GABRG3: variants seen among roughly 807,000 people sequenced by gnomAD.
GABRG3 encodes gamma-aminobutyric acid receptor subunit gamma-3.
A neutral mutation model predicts 48.8 loss-of-function variants in GABRG3; 25 were observed. The observed-to-expected ratio is 0.51, with a 90% CI of 0.37 to 0.72. GABRG3 has a LOEUF of 0.72. GABRG3 is among the 30% of genes least tolerant of loss of function. GABRG3 has a pLI of 0.00. For missense variants in GABRG3, 394 were observed against 577.9 expected (o/e 0.68, Z 3.26); for synonymous variants, 227 against 217.6 (o/e 1.04, Z -0.38).
chr15:27,181,059 A>T (rs1887914523), intron 3 of GABRG3, among the ~76,000 whole-genome samples: 1 of 152,222 alleles, frequency 6.6e-6, no homozygotes, highest in Admixed American at 6.5e-5. Context: ...GCTGACCTTG[A>T]ATAAATAAAT....
At chr15:27,400,054 T>A (rs1387491445) in intron 5 of GABRG3, among the ~76,000 whole-genome samples, 1 of 152,248 alleles carries the variant, frequency 6.6e-6, no homozygotes, top group Non-Finnish European at 1.5e-5. Context: ...CACATAAATT[T>A]TAAATCTTTT....
At chr15:27,274,678 A>G (rs1054631850) in intron 3 of GABRG3, among the ~76,000 whole-genome samples, 2 of 152,104 alleles carry the variant, frequency 1.3e-5, no homozygotes, top group Non-Finnish European at 2.9e-5. Context: ...GCAACCCTCA[A>G]GACTCACCCA....
intron 3 of GABRG3, among the ~76,000 whole-genome samples, chr15:27,250,489 C>T (rs751920208): frequency 2.0e-5 from 3 of 152,114 alleles, no homozygotes; most frequent in Non-Finnish European, 2.9e-5. Flanking sequence ...TGGAGTGGTG[C>T]GATCTTGGCT....
At chr15:27,209,897 G>T (rs1235002653) in intron 3 of GABRG3, among the ~76,000 whole-genome samples, 2 of 152,144 alleles carry the variant, frequency 1.3e-5, no homozygotes, top group Non-Finnish European at 2.9e-5. Context: ...TCCTCACACG[G>T]TCTTTCCTCT....
At chr15:27,272,670 G>A (rs947688428) in intron 3 of GABRG3, among the ~76,000 whole-genome samples, 12 of 152,106 alleles carry the variant, frequency 7.9e-5, no homozygotes, top group Non-Finnish European at 8.8e-5. Flanking sequence ...ACCTCTGAAG[G>A]GAGCAGAACA....
At chr15:27,250,494 T>C (rs2140459518) in intron 3 of GABRG3, among the ~76,000 whole-genome samples, 1 of 152,320 alleles carries the variant, frequency 6.6e-6, no homozygotes, top group South Asian at 2.1e-4. Flanking sequence ...TGGTGCGATC[T>C]TGGCTCACTG....
At chr15:26,999,887 C>A (rs989978700) in intron 2 of GABRG3, among the ~76,000 whole-genome samples, 8 of 152,088 alleles carry the variant, frequency 5.3e-5, no homozygotes, top group South Asian at 2.1e-4. Context: ...GATGTCTAAC[C>A]TACAGTTAAT....
chr15:27,003,750 A>G (rs1045927446), intron 2 of GABRG3, among the ~76,000 whole-genome samples: 1 of 151,658 alleles, frequency 6.6e-6, no homozygotes, highest in African/African-American at 2.4e-5. Context: ...CACCTCCCAG[A>G]CGGGGTGGTG....
chr15:27,443,281 C>T (rs1203271125), intron 5 of GABRG3, among the ~76,000 whole-genome samples: 1 of 152,128 alleles, frequency 6.6e-6, no homozygotes, highest in East Asian at 1.9e-4. Context: ...AATTAATAGG[C>T]CAATTTGCAA....
At chr15:27,183,973 G>T (rs1888014495) in intron 3 of GABRG3, among the ~76,000 whole-genome samples, 1 of 152,092 alleles carries the variant, frequency 6.6e-6, no homozygotes, top group Non-Finnish European at 1.5e-5. Context: ...CTTACCTGGG[G>T]TAACAAAAGA....
chr15:27,147,692 T>C (rs1003736273), intron 3 of GABRG3, among the ~76,000 whole-genome samples: 1 of 151,924 alleles, frequency 6.6e-6, no homozygotes, highest in African/African-American at 2.4e-5. Context: ...TTCACAAATA[T>C]ATGAAAATTA....
chr15:27,257,864 C>T (rs1890667767), intron 3 of GABRG3, among the ~76,000 whole-genome samples: 1 of 151,594 alleles, frequency 6.6e-6, no homozygotes, highest in African/African-American at 2.4e-5. Flanking sequence ...CTATGTTCCT[C>T]AGACTTGTCT....
intron 3 of GABRG3, among the ~76,000 whole-genome samples, chr15:27,096,146 C>T (rs1309612574): frequency 6.6e-6 from 1 of 152,186 alleles, no homozygotes; most frequent in East Asian, 1.9e-4. Context: ...CAGTGGGCAC[C>T]GTCACACAAA....
At chr15:27,337,058 A>C (rs1223388051) in intron 5 of GABRG3, among the ~76,000 whole-genome samples, 4 of 152,232 alleles carry the variant, frequency 2.6e-5, no homozygotes, top group Non-Finnish European at 5.9e-5. Context: ...TCTTGAACTG[A>C]AATACTAAAT....
intron 3 of GABRG3, among the ~76,000 whole-genome samples, chr15:27,213,595 T>C (rs1889141578): frequency 6.6e-6 from 1 of 152,246 alleles, no homozygotes; most frequent in Non-Finnish European, 1.5e-5. Flanking sequence ...ATGTGGAACA[T>C]GAGTGAGGCC....
chr15:27,008,842 C>T (rs754498027), intron 2 of GABRG3, among the ~76,000 whole-genome samples: 3 of 152,060 alleles, frequency 2.0e-5, no homozygotes, highest in Non-Finnish European at 2.9e-5. Flanking sequence ...TCAGCTGAGG[C>T]GATGATGGGT....
At chr15:27,308,910 G>A (rs1892880382) in intron 3 of GABRG3, among the ~76,000 whole-genome samples, 1 of 149,780 alleles carries the variant, frequency 6.7e-6, no homozygotes, top group Non-Finnish European at 1.5e-5. Context: ...AAAACAGAAT[G>A]TAAACATATG....
At chr15:27,405,353 A>G (rs558743163) in intron 5 of GABRG3, among the ~76,000 whole-genome samples, 55 of 152,326 alleles carry the variant, frequency 3.6e-4, no homozygotes, top group Non-Finnish European at 6.8e-4. Context: ...TTAAAGAAAT[A>G]ATTATAAATG....
chr15:27,339,170 G>A (rs951088387), intron 5 of GABRG3, among the ~76,000 whole-genome samples: 8 of 152,184 alleles, frequency 5.3e-5, no homozygotes, highest in Non-Finnish European at 1.0e-4. Flanking sequence ...CAGAGGCCCC[G>A]GGTCCTCTCA....
Sources: allele counts gnomAD v4.1 joint callset (sites outside exome capture counted in the v4.1 genomes callset), GRCh38; gene constraint gnomAD v4.1.1; transcripts MANE v1.5; gene names NCBI Gene and HGNC (gene_info 2026-07-23, HGNC 2026-07-21).